The following PTPRT variants were observed in gnomAD, a reference collection of about 807,000 sequenced individuals.
The protein encoded by PTPRT is protein tyrosine phosphatase receptor type T.
PTPRT carries 56 observed loss-of-function variants against 176.8 expected under a neutral mutation model. The ratio of observed to expected loss-of-function variants is 0.32; its 90% CI spans 0.26 to 0.40. The LOEUF (loss-of-function observed/expected upper bound fraction) is 0.40. Ranked by LOEUF, PTPRT falls within the 10% of genes least tolerant of loss-of-function variation. The pLI is 1.00. For missense variants in PTPRT, 1,540 were observed against 1,908.2 expected, an observed-to-expected ratio of 0.81 and a Z score of 3.60; for synonymous variants, 783 against 739.0, an observed-to-expected ratio of 1.06 and a Z score of -0.96.
intron 9 of PTPRT, among the ~76,000 whole-genome samples, chr20:42,407,591 T>C (rs1365108477): frequency 2.0e-5 from 3 of 152,208 alleles, no homozygotes; most frequent in African/African-American, 7.2e-5. Flanking sequence ...AACCATTTCC[T>C]TTAATATCAT....
chr20:42,361,298 C>T (rs2058428768), intron 9 of PTPRT, among the ~76,000 whole-genome samples: 1 of 152,204 alleles, frequency 6.6e-6, no homozygotes, highest in South Asian at 2.1e-4. Flanking sequence ...GGTCTTGTAT[C>T]TGGGCCTGAA....
At chr20:42,563,926 T>A (rs1265269615) in intron 7 of PTPRT, among the ~76,000 whole-genome samples, 1 of 152,244 alleles carries the variant, frequency 6.6e-6, no homozygotes, top group Non-Finnish European at 1.5e-5. Context: ...AGGGTGGCTC[T>A]GCTTCACTTT....
chr20:42,559,332 G>A (rs938812040), intron 7 of PTPRT, among the ~76,000 whole-genome samples: 2 of 152,110 alleles, frequency 1.3e-5, no homozygotes, highest in African/African-American at 4.8e-5. Context: ...TAGTTACAGG[G>A]AAGCAAGGCT....
chr20:42,869,631 TG>T (rs1192897770), intron 2 of PTPRT, among the ~76,000 whole-genome samples: 2 of 152,246 alleles, frequency 1.3e-5, no homozygotes, highest in African/African-American at 4.8e-5. Flanking sequence ...TGCCTCAAGA[TG>T]AATCATATCT....
chr20:43,176,698 C>T (rs2015130806), intron 1 of PTPRT, among the ~76,000 whole-genome samples: 1 of 152,148 alleles, frequency 6.6e-6, no homozygotes, highest in African/African-American at 2.4e-5. Flanking sequence ...CATTAAATTA[C>T]CCCTGTTTTC....
At chr20:42,184,575 T>TTTTCTTCTTCTG (rs1990673924) in intron 16 of PTPRT, among the ~76,000 whole-genome samples, 10 of 138,866 alleles carry the variant, frequency 7.2e-5, no homozygotes, top group African/African-American at 2.8e-4. Context: ...TTCTTCTTCT[T>TTTTCTTCTTCTG]CTTCTTCTTC....
intron 1 of PTPRT, among the ~76,000 whole-genome samples, chr20:43,094,264 T>C (rs1600708244): frequency 6.6e-6 from 1 of 151,078 alleles, no homozygotes; most frequent in Non-Finnish European, 1.5e-5. Context: ...ATTTTTGTTT[T>C]TTTAGTAGAG....
the PTPRT span, among the ~76,000 whole-genome samples, chr20:42,057,350 C>CA: frequency 1.3e-5 from 2 of 151,960 alleles, no homozygotes; most frequent in Non-Finnish European, 2.9e-5. Flanking sequence ...GGGCGGGGTA[C>CA]AAATAGCTCA....
chr20:42,362,573 G>A lies in PTPRT; in HGVS notation c.1561-10288C>T, dbSNP rs12329548. Among the ~76,000 whole-genome samples the A allele has an allele frequency of 9.5e-3, 1,444 of 152,246 alleles. 15 individuals carry two copies. Among genetic ancestry groups the A allele is most frequent in the African/African-American group, 0.033 (1,374 of 41,536 alleles). ...AAAAAATGACAAGTAAGTGAAACAC[G>A]GATAGGATCCTGGACTGGAAAACGA... On this transcript the variant is annotated intron_variant, in intron 9 of 30. Transcript: ENST00000373187.
intron 4 of PTPRT, among the ~76,000 whole-genome samples, chr20:42,772,177 A>G (rs2077072807): frequency 6.6e-6 from 1 of 152,212 alleles, no homozygotes; most frequent in Admixed American, 6.5e-5. Flanking sequence ...GGAAAAGGGA[A>G]GGAAAGCACT....
intron 6 of PTPRT, among the ~76,000 whole-genome samples, chr20:42,729,740 T>C (rs1363314297): frequency 6.6e-6 from 1 of 152,216 alleles, no homozygotes; most frequent in Non-Finnish European, 1.5e-5. Context: ...TCCATTCAGA[T>C]CTCTTGGGGA....
At chr20:42,371,846 G>A (rs982637114) in intron 9 of PTPRT, among the ~76,000 whole-genome samples, 2 of 152,182 alleles carry the variant, frequency 1.3e-5, no homozygotes, top group Non-Finnish European at 1.5e-5. Flanking sequence ...CTAAATTGTA[G>A]TCTTTCTACC....
intron 13 of PTPRT, among the ~76,000 whole-genome samples, chr20:42,261,934 T>C (rs1220240945): frequency 6.6e-6 from 1 of 151,926 alleles, no homozygotes; most frequent in African/African-American, 2.4e-5. Context: ...TCAGAGTGCC[T>C]GGAAAGGAGA....
intron 9 of PTPRT, among the ~76,000 whole-genome samples, chr20:42,406,037 A>G (rs1407860421): frequency 6.6e-6 from 1 of 152,178 alleles, no homozygotes; most frequent in Non-Finnish European, 1.5e-5. Flanking sequence ...AAAAATAATC[A>G]AGAAAAAGAG....
chr20:42,322,169 A>T (rs935779370), intron 11 of PTPRT, among the ~76,000 whole-genome samples: 1 of 152,064 alleles, frequency 6.6e-6, no homozygotes, highest in Non-Finnish European at 1.5e-5. Context: ...AATATCGTGA[A>T]AATGGCCATA....
rs150659688 is a variant in PTPRT at position 42,647,413 on chromosome 20, AC to A, written c.1153+30452del. On this transcript the variant is annotated intron_variant, in intron 7 of 30. Transcript: ENST00000373187. ...AATAAATGGTCCCCTCATATGCTGT[AC>A]CCCTGGTGTCCCGTCAACAGCCCAG... Among the ~76,000 whole-genome samples, 298 of 152,168 alleles carry A rather than the reference AC, an allele frequency of 2.0e-3. 5 individuals carry two copies. Among genetic ancestry groups the A allele is most frequent in the East Asian group, 0.012 (64 of 5,178 alleles).
intron 7 of PTPRT, among the ~76,000 whole-genome samples, chr20:42,523,643 T>C (rs1286852778): frequency 1.3e-5 from 2 of 152,214 alleles, no homozygotes; most frequent in African/African-American, 2.4e-5. Flanking sequence ...TCTCCTTTGA[T>C]TGGTAAGTTT....
chr20:42,541,810 T>TTTTAAAATTTTAAAAAATTTTAAA (rs2072586642), intron 7 of PTPRT, among the ~76,000 whole-genome samples: 1 of 147,284 alleles, frequency 6.8e-6, no homozygotes, highest in South Asian at 2.1e-4. Context: ...TGAATTAAAA[T>TTTTAAAATTTTAAAAAATTTTAAA]TTTAAAATTT....
Position 42,472,298 on chromosome 20 carries a change from C to G in PTPRT, c.1418G>C (p.Ser473Thr), listed in dbSNP as rs895738364. 1.2e-5 allele frequency: 19 copies of G among 1,614,112 alleles called. No individual in the cohort carries two copies. Among genetic ancestry groups the G allele is most frequent in the Admixed American group, 1.7e-5 (1 of 60,014 alleles). ...LLSNPEGRME[S>T]EELVVQTEED... ...CTCAGTCTGCACCACCAGCTCCTCG[C>G]TCTCCATTCGGCCCTCGGGGTTAGA... is the stretch of plus-strand genomic sequence containing the variant. The change falls in exon 8 of 31, where the codon AGC (serine) becomes ACC (threonine). Residue 473 changes from serine to threonine, a missense_variant. Coordinates refer to ENST00000373187, the MANE Select transcript of PTPRT (RefSeq NM_007050.6).
Sources: allele counts gnomAD v4.1 joint callset (sites outside exome capture counted in the v4.1 genomes callset), GRCh38; gene constraint gnomAD v4.1.1; transcripts MANE v1.5; gene names NCBI Gene and HGNC (gene_info 2026-07-23, HGNC 2026-07-21).